The following HESX1 variants were observed in gnomAD, a reference collection of about 807,000 sequenced individuals.
HESX1 encodes the protein HESX homeobox 1, also known as homeobox expressed in ES cells 1.
A neutral mutation model predicts 22.5 loss-of-function variants in HESX1; 11 were observed. The observed-to-expected ratio is 0.49, with a 90% CI of 0.31 to 0.81. The LOEUF (loss-of-function observed/expected upper bound fraction) is 0.81. Among genes scored for constraint, HESX1 ranks in the 30% least tolerant of loss-of-function variants. The pLI, the probability that HESX1 is intolerant of heterozygous loss-of-function variation, is 0.05. For missense variants in HESX1, 201 were observed against 212.6 expected, an observed-to-expected ratio of 0.95 and a Z score of 0.34; for synonymous variants, 74 against 76.5, an observed-to-expected ratio of 0.97 and a Z score of 0.17.
intron 1 of HESX1, among the ~76,000 whole-genome samples, chr3:57,218,439 CTTTT>C (rs60734023): frequency 3.9e-5 from 4 of 102,268 alleles, no homozygotes; most frequent in Non-Finnish European, 3.9e-5. Context: ...TGATCTCATT[CTTTT>C]TTTTTTTTTT....
chr3:57,209,401 T>C (rs1015944093), intron 1 of HESX1, among the ~76,000 whole-genome samples: 1 of 152,072 alleles, frequency 6.6e-6, no homozygotes, highest in African/African-American at 2.4e-5. Context: ...ATCCCAGCAC[T>C]GTGGGATGTG....
chr3:57,209,017 T>TG (rs796593433), intron 1 of HESX1, among the ~76,000 whole-genome samples: 108 of 152,206 alleles, frequency 7.1e-4, no homozygotes, highest in African/African-American at 2.3e-3. Context: ...AAATATGTGA[T>TG]GCTTTCATTA....
Position 57,199,844 on chromosome 3 carries a change from T to C in HESX1, c.75A>G (p.Arg25=), listed in dbSNP as rs747890985. 3 of 1,614,030 alleles carry C rather than the reference T, an allele frequency of 1.9e-6. No homozygotes were observed. Among genetic ancestry groups the C allele is most frequent in the Admixed American group, 1.7e-5 (1 of 59,980 alleles). The stretch of plus-strand genomic sequence containing the variant: ...CTTTCTTCTGGTCCAGTCCTAAGAT[T>C]CTCTCAATTGAAAAGGAGCAAGTTG... ...KPSTCSFSIE[R]ILGLDQKKDC... is the part of the protein sequence containing the mutation. The change falls in exon 1 of 4, where the codon AGA becomes AGG. Residue 25 remains arginine, a synonymous_variant. Transcript: ENST00000295934.
intron 1 of HESX1, among the ~76,000 whole-genome samples, chr3:57,218,884 G>A (rs1176890590): frequency 2.6e-5 from 4 of 152,184 alleles, no homozygotes; most frequent in Admixed American, 6.5e-5. Flanking sequence ...CCATTCACAT[G>A]CATGTACCTT....
intron 1 of HESX1, among the ~76,000 whole-genome samples, chr3:57,207,198 C>G (rs1290514662): frequency 6.6e-6 from 1 of 152,192 alleles, no homozygotes; most frequent in Non-Finnish European, 1.5e-5. Flanking sequence ...ATCCAACGCA[C>G]CTCGGCCTCC....
At chr3:57,219,647 G>A (rs527288284) in intron 1 of HESX1, among the ~76,000 whole-genome samples, 77 of 152,132 alleles carry the variant, frequency 5.1e-4, no homozygotes, top group African/African-American at 1.6e-3. Context: ...GATTACAGGC[G>A]TGAGCCACCG....
intron 1 of HESX1, among the ~76,000 whole-genome samples, chr3:57,226,130 G>A (rs542397021): frequency 1.3e-5 from 2 of 151,298 alleles, no homozygotes; most frequent in East Asian, 2.0e-4. Flanking sequence ...CAGCTGCCAC[G>A]GCCTCCCAAA....
At chr3:57,206,517 A>T (rs1365965506) in intron 1 of HESX1, among the ~76,000 whole-genome samples, 1 of 152,244 alleles carries the variant, frequency 6.6e-6, no homozygotes, top group Non-Finnish European at 1.5e-5. Flanking sequence ...TGCATTGCTG[A>T]GATCTCAACA....
upstream of HESX1, among the ~76,000 whole-genome samples, chr3:57,203,665 C>T (rs1051745106): frequency 1.3e-5 from 2 of 152,158 alleles, no homozygotes; most frequent in Admixed American, 6.5e-5. Context: ...AGTGATTCTC[C>T]TGCTTCAGCC....
intron 2 of HESX1, 91 bp from the exon 3 acceptor site, chr3:57,198,583 A>T: frequency 9.7e-7 from 1 of 1,027,046 alleles, no homozygotes; most frequent in Non-Finnish European, 1.5e-6. Context: ...CTTGGCAATT[A>T]ATCTGGATGC....
At chr3:57,220,254 G>A (rs529850055) in intron 1 of HESX1, among the ~76,000 whole-genome samples, 2 of 152,140 alleles carry the variant, frequency 1.3e-5, no homozygotes, top group African/African-American at 4.8e-5. Context: ...CTGTAGCAGA[G>A]CATGAAGTCA....
chr3:57,225,296 A>C (rs192052291), intron 1 of HESX1, among the ~76,000 whole-genome samples: 182 of 152,288 alleles, frequency 1.2e-3, no homozygotes, highest in African/African-American at 3.3e-3. Flanking sequence ...GACTAAACCT[A>C]CCTCTCCATC....
At chr3:57,201,287 G>A (rs956066633), upstream of HESX1, among the ~76,000 whole-genome samples, 5 of 152,114 alleles carry the variant, frequency 3.3e-5, no homozygotes, top group South Asian at 4.1e-4. Flanking sequence ...ATAAATGTAC[G>A]TGTAAAACCA....
intron 1 of HESX1, among the ~76,000 whole-genome samples, chr3:57,208,581 C>T (rs2060533473): frequency 6.7e-6 from 1 of 149,116 alleles, no homozygotes; most frequent in African/African-American, 2.5e-5. Flanking sequence ...AACTCCTGAC[C>T]TCAAGTGATC....
upstream of HESX1, among the ~76,000 whole-genome samples, chr3:57,201,466 T>C (rs1025103477): frequency 5.9e-5 from 9 of 151,972 alleles, no homozygotes; most frequent in African/African-American, 2.2e-4. Flanking sequence ...GAGACATTCA[T>C]TATTTCCTTC....
Position 57,216,152 on chromosome 3 carries a change from T to C in HESX1, c.-111+10144A>G, listed in dbSNP as rs2060581349. On this transcript the variant is annotated intron_variant, in intron 1 of 2. Coordinates refer to the HESX1 transcript ENST00000495160. ...AGTTTCATTCATTGCCCCAAATAACTTCCTTCACAGTAAAATAATCCAGTT... is the reference window on the plus strand; with the variant it reads ...AGTTTCATTCATTGCCCCAAATAACCTCCTTCACAGTAAAATAATCCAGTT... Among the ~76,000 whole-genome samples the C allele has an allele frequency of 2.0e-5, 3 of 152,336 alleles. No individual in the cohort carries two copies. The South Asian group carries it at 6.2e-4, about 32-fold the overall frequency.
chr3:57,220,315 G>A (rs1264754086), intron 1 of HESX1, among the ~76,000 whole-genome samples: 1 of 152,056 alleles, frequency 6.6e-6, no homozygotes, highest in African/African-American at 2.4e-5. Flanking sequence ...TTTTTGTCCT[G>A]TTTATAGTGA....
intron 1 of HESX1, among the ~76,000 whole-genome samples, chr3:57,210,044 T>G (rs892147521): frequency 6.6e-6 from 1 of 152,200 alleles, no homozygotes; most frequent in Admixed American, 6.6e-5. Flanking sequence ...CACCTATTAA[T>G]GGCCATTGTA....
At chr3:57,215,099 C>G (rs2060576086) in intron 1 of HESX1, among the ~76,000 whole-genome samples, 1 of 151,996 alleles carries the variant, frequency 6.6e-6, no homozygotes, top group Non-Finnish European at 1.5e-5. Context: ...ATAACTTTAT[C>G]TAGAATAGTA....
Sources: allele counts gnomAD v4.1 joint callset (sites outside exome capture counted in the v4.1 genomes callset), GRCh38; gene constraint gnomAD v4.1.1; transcripts MANE v1.5; gene names NCBI Gene and HGNC (gene_info 2026-07-23, HGNC 2026-07-21).